SLIT3: variants seen among roughly 807,000 people sequenced by gnomAD.
SLIT3 encodes the protein slit guidance ligand 3, also known as slit homolog 3 protein.
SLIT3 carries 68 observed loss-of-function variants against 184.0 expected under a neutral mutation model. The observed-to-expected ratio is 0.37, with a 90% CI of 0.30 to 0.45. SLIT3 has a LOEUF of 0.45. SLIT3 is among the 20% of genes least tolerant of loss of function. The probability of loss-of-function intolerance (pLI) is 1.00; values close to 1 mark genes in which losing one functional copy is unlikely to be tolerated. For synonymous variants in SLIT3, 831 were observed against 828.6 expected, an observed-to-expected ratio of 1.00 and a Z score of -0.05; for missense variants, 1,707 against 2,026.0, an observed-to-expected ratio of 0.84 and a Z score of 3.02.
intron 4 of SLIT3, among the ~76,000 whole-genome samples, chr5:168,952,627 T>C (rs898689985): frequency 1.5e-5 from 2 of 129,570 alleles, no homozygotes; most frequent in Non-Finnish European, 3.1e-5. Flanking sequence ...GGAACTACCA[T>C]GAAGAAGAAA....
At chr5:169,195,088 T>C (rs113469345) in intron 3 of SLIT3, among the ~76,000 whole-genome samples, 3 of 152,312 alleles carry the variant, frequency 2.0e-5, no homozygotes, top group African/African-American at 7.2e-5. Flanking sequence ...GAGTATGGCC[T>C]ATTACATGAT....
intron 1 of SLIT3, among the ~76,000 whole-genome samples, chr5:169,277,946 C>A (rs1766867763): frequency 1.3e-5 from 2 of 152,216 alleles, no homozygotes; most frequent in Admixed American, 1.3e-4. Context: ...TGACTATAGC[C>A]TTCACAGTAG....
At chr5:168,990,652 C>G (rs1433744133) in intron 4 of SLIT3, among the ~76,000 whole-genome samples, 1 of 152,190 alleles carries the variant, frequency 6.6e-6, no homozygotes, top group Non-Finnish European at 1.5e-5. Context: ...GCCTCTACAT[C>G]AGCCAGGGGT....
At chr5:169,275,226 C>T (rs62376940) in intron 1 of SLIT3, among the ~76,000 whole-genome samples, 1 of 152,160 alleles carries the variant, frequency 6.6e-6, no homozygotes, top group Non-Finnish European at 1.5e-5. Flanking sequence ...AACCCTGGGA[C>T]AACAGGTATC....
Position 169,239,851 on chromosome 5 carries a change from C to T in SLIT3, c.341+4854G>A, listed in dbSNP as rs558621238. On this transcript the variant is annotated intron_variant, in intron 3 of 35. Transcript: ENST00000519560. ...GAGGATATTTTAATCAAGATATGTGCTTCTTTTAAAATAGATACTATACAT... is the reference window on the plus strand; with the variant it reads ...GAGGATATTTTAATCAAGATATGTGTTTCTTTTAAAATAGATACTATACAT... 3.9e-5 allele frequency among the ~76,000 whole-genome samples: 6 copies of T among 152,006 alleles called. No individual in the cohort carries two copies. The South Asian group carries it at 1.0e-3, about 26-fold the overall frequency.
chr5:169,287,705 T>A (rs1767206471), intron 1 of SLIT3, among the ~76,000 whole-genome samples: 2 of 152,164 alleles, frequency 1.3e-5, no homozygotes. Flanking sequence ...TCAGAACTTG[T>A]ACGCTGGCAG....
chr5:168,751,081 G>A (rs952530306), intron 18 of SLIT3, among the ~76,000 whole-genome samples: 3 of 152,068 alleles, frequency 2.0e-5, no homozygotes, highest in Admixed American at 6.6e-5. Context: ...GTGCTCCAGG[G>A]AGTGCCAAGT....
chr5:168,794,821 T>A (rs952861514), intron 10 of SLIT3, among the ~76,000 whole-genome samples: 1 of 152,210 alleles, frequency 6.6e-6, no homozygotes, highest in African/African-American at 2.4e-5. Context: ...CACTTGCTTT[T>A]CCTGCTGCCT....
intron 4 of SLIT3, among the ~76,000 whole-genome samples, chr5:168,968,224 C>T (rs993651004): frequency 6.6e-6 from 1 of 152,152 alleles, no homozygotes; most frequent in Non-Finnish European, 1.5e-5. Flanking sequence ...AAGCTTAGCG[C>T]CCCCCTCTCC....
intron 4 of SLIT3, among the ~76,000 whole-genome samples, chr5:169,114,979 G>A (rs1760600632): frequency 6.6e-6 from 1 of 152,174 alleles, no homozygotes; most frequent in South Asian, 2.1e-4. Flanking sequence ...GCGGAAGGAG[G>A]TGTGCTAATC....
intron 3 of SLIT3, among the ~76,000 whole-genome samples, chr5:169,217,431 T>C (rs17735550): frequency 0.14 from 21,900 of 152,082 alleles, 1,915 homozygotes; most frequent in East Asian, 0.44. Flanking sequence ...ACTTTGTGGC[T>C]GAGGGATTGG....
Position 168,873,173 on chromosome 5 carries a change from C to G in SLIT3, c.485+10092G>C, listed in dbSNP as rs114354771. Among the ~76,000 whole-genome samples the G allele has an allele frequency of 4.3e-3, 657 of 152,258 alleles. 3 individuals carry two copies. Among genetic ancestry groups the G allele is most frequent in the African/African-American group, 0.015 (625 of 41,538 alleles). Reference sequence around the variant, plus strand: ...TCTCAGAAAAACACTGCCTGAGAGTCCACGCTAATCTTGGGATCCCGCTGT... The same window carrying G: ...TCTCAGAAAAACACTGCCTGAGAGTGCACGCTAATCTTGGGATCCCGCTGT... On this transcript the variant is annotated intron_variant, in intron 5 of 35. Transcript: ENST00000519560.
chr5:169,076,391 C>T (rs535750851), intron 4 of SLIT3, among the ~76,000 whole-genome samples: 1 of 152,264 alleles, frequency 6.6e-6, no homozygotes, highest in Admixed American at 6.5e-5. Flanking sequence ...AGTGACTTCC[C>T]CAAGTTTCAC....
intron 4 of SLIT3, among the ~76,000 whole-genome samples, chr5:169,001,194 C>G (rs1402519840): frequency 6.6e-6 from 1 of 152,150 alleles, no homozygotes; most frequent in African/African-American, 2.4e-5. Context: ...CTCAGCCAAC[C>G]CTTTCAGCCC....
At chr5:169,292,189 C>G (rs1269816745) in intron 1 of SLIT3, among the ~76,000 whole-genome samples, 1 of 152,198 alleles carries the variant, frequency 6.6e-6, no homozygotes, top group Non-Finnish European at 1.5e-5. Flanking sequence ...AAACCTGAAG[C>G]TACCTGAGCT....
At chr5:168,924,508 A>G (rs1560664) in intron 4 of SLIT3, among the ~76,000 whole-genome samples, 12,824 of 143,000 alleles carry the variant, frequency 0.09, 821 homozygotes, top group South Asian at 0.24. Flanking sequence ...GTGTGTGTGT[A>G]TGTGTGTGTG....
chr5:168,991,966 T>C (rs1248528057), intron 4 of SLIT3, among the ~76,000 whole-genome samples: 8 of 152,248 alleles, frequency 5.3e-5, no homozygotes, highest in Non-Finnish European at 1.2e-4. Context: ...ACTGATTTTT[T>C]AATTTAAAAA....
intron 4 of SLIT3, among the ~76,000 whole-genome samples, chr5:169,098,194 G>A (rs1052028503): frequency 2.0e-5 from 3 of 152,022 alleles, no homozygotes; most frequent in African/African-American, 4.8e-5. Context: ...ATTCAGTCAC[G>A]AATTACTCCA....
At position 168,986,908 on chromosome 5, in the gene SLIT3, C is replaced by T. The variant is rs186653168; in HGVS notation, c.414-103572G>A. Among the ~76,000 whole-genome samples, 13 of 152,282 alleles carry T rather than the reference C, an allele frequency of 8.5e-5. No individual in the cohort carries two copies. In the South Asian group the frequency reaches 2.1e-3, roughly 24 times the overall value. The stretch of plus-strand genomic sequence containing the variant: ...TTACAAAGGCTAATATTTAGCCGGG[C>T]GTGGTGGCACGCACCTTTAATCCCA... On this transcript the variant is annotated intron_variant, in intron 4 of 35. Transcript: ENST00000519560.
Sources: gnomAD v4.1 joint callset for allele counts (sites outside exome capture counted in the v4.1 genomes callset) on GRCh38, gnomAD v4.1.1 for gene constraint, MANE v1.5 for transcripts, NCBI Gene and HGNC (gene_info 2026-07-23, HGNC 2026-07-21) for gene names.